The following DOCK7 variants were observed in gnomAD, a reference collection of about 807,000 sequenced individuals.
The protein encoded by DOCK7 is dedicator of cytokinesis 7.
Under a neutral mutation model 271.0 loss-of-function variants are expected in DOCK7, and 138 were observed. The ratio of observed to expected loss-of-function variants is 0.51; its 90% confidence interval spans 0.44 to 0.59. The LOEUF is 0.59. DOCK7 is among the 20% of genes least tolerant of loss of function. The pLI is 0.00. For missense variants in DOCK7, 2,066 were observed against 2,592.4 expected, an observed-to-expected ratio of 0.80 and a Z score of 4.41; for synonymous variants, 823 against 876.1, an observed-to-expected ratio of 0.94 and a Z score of 1.07.
intron 16 of DOCK7, 127 bp from the exon 17 acceptor site, chr1:62,579,093 T>G: frequency 1.1e-6 from 1 of 920,756 alleles, no homozygotes; most frequent in Non-Finnish European, 1.5e-6. Context: ...CCAAAATATT[T>G]TTCTTTATCC....
At chr1:62,687,061 T>C (rs1487794553) in intron 1 of DOCK7, among the ~76,000 whole-genome samples, 1 of 152,120 alleles carries the variant, frequency 6.6e-6, no homozygotes, top group Admixed American at 6.5e-5. Context: ...ATTACAGGCC[T>C]GAGCCACTGC....
Position 62,598,079 on chromosome 1 carries a change from A to G in DOCK7, c.1683-11455T>C, listed in dbSNP as rs751707642. 4.5e-5 allele frequency: 71 copies of G among 1,567,126 alleles called. 1 individual carries two copies. In the South Asian group the frequency reaches 8.3e-4, roughly 18 times the overall value. On this transcript the variant is annotated intron_variant, in intron 14 of 49. Transcript: ENST00000635253. ...CACTTAAAGTAAGTAGAAAATAAAG[A>G]GGGTTCATGTTTATGTTTTCAATGT...
At chr1:62,584,669 ATTAT>A in intron 15 of DOCK7, 2 of 1,359,818 alleles carry the variant, frequency 1.5e-6, no homozygotes, top group South Asian at 3.4e-5. Context: ...TTGAGCATTA[ATTAT>A]TTATCCAAAA....
chr1:62,466,816 G>T (rs1308741724), intron 48 of DOCK7, among the ~76,000 whole-genome samples: 1 of 152,032 alleles, frequency 6.6e-6, no homozygotes, highest in African/African-American at 2.4e-5. Flanking sequence ...AGCTACTCAG[G>T]AGGCTGAGGC....
chr1:62,465,230 A>C (rs1388203322), intron 48 of DOCK7, among the ~76,000 whole-genome samples: 1 of 152,196 alleles, frequency 6.6e-6, no homozygotes, highest in African/African-American at 2.4e-5. Context: ...GCTGCAGTAA[A>C]TTGCATATCA....
At chr1:62,564,148 A>G (rs1366939693) in intron 18 of DOCK7, among the ~76,000 whole-genome samples, 1 of 151,986 alleles carries the variant, frequency 6.6e-6, no homozygotes, top group Admixed American at 6.6e-5. Flanking sequence ...CACTGTCAAT[A>G]TTAGATCAAC....
chr1:62,631,442 T>C (rs1482689691), intron 10 of DOCK7, 37 bp from the exon 11 acceptor site: 52 of 1,507,082 alleles, frequency 3.5e-5, no homozygotes, highest in Non-Finnish European at 4.5e-5. Context: ...ATGATTATAC[T>C]TGAAAGAAAT....
intron 27 of DOCK7, among the ~76,000 whole-genome samples, chr1:62,538,840 CCAT>C (rs1272064471): frequency 6.6e-6 from 1 of 152,178 alleles, no homozygotes; most frequent in African/African-American, 2.4e-5. Flanking sequence ...ATCCCCACCA[CCAT>C]AAGTTTGAAC....
At chr1:62,573,104 G>A (rs1035645071) in intron 18 of DOCK7, among the ~76,000 whole-genome samples, 5 of 152,182 alleles carry the variant, frequency 3.3e-5, no homozygotes, top group Non-Finnish European at 7.3e-5. Context: ...TAGCATGGAG[G>A]AGGGAAAGGT....
intron 14 of DOCK7, among the ~76,000 whole-genome samples, chr1:62,593,910 C>T (rs896709404): frequency 1.3e-5 from 2 of 151,934 alleles, no homozygotes; most frequent in East Asian, 1.9e-4. Flanking sequence ...AGCCAAAATA[C>T]CTTGTATTTT....
intron 43 of DOCK7, chr1:62,485,470 G>A (rs945173726): frequency 2.0e-6 from 2 of 985,268 alleles, no homozygotes; most frequent in Admixed American, 1.2e-4. Context: ...TTTCCTGTAA[G>A]TTGGGGAGCA....
chr1:62,586,382 G>T, intron 15 of DOCK7, 125 bp downstream of exon 15: 2 of 637,790 alleles, frequency 3.1e-6, no homozygotes. Flanking sequence ...AGAAAGTAAT[G>T]CAGTTAGAAA....
At chr1:62,581,698 G>A (rs78883756) in intron 16 of DOCK7, among the ~76,000 whole-genome samples, 58 of 151,976 alleles carry the variant, frequency 3.8e-4, no homozygotes, top group Non-Finnish European at 6.2e-4. Flanking sequence ...AGGGCAAAAC[G>A]TTAGTGTTTT....
intron 43 of DOCK7, chr1:62,486,557 T>C (rs1022272955): frequency 2.0e-5 from 3 of 152,136 alleles, no homozygotes; most frequent in Non-Finnish European, 4.4e-5. Flanking sequence ...ATAATGGTAA[T>C]CAATTCTTCC....
chr1:62,583,178 C>T lies in DOCK7; in HGVS notation c.1871+6G>A. On this transcript the variant is annotated splice_donor_region_variant and intron_variant, in intron 16 of 49. Transcript: ENST00000635253. ...TAACTTTGAAAGAAATATTTGAATT[C>T]AGTACCTGTTATGATATACTACGGC... 6.2e-7 allele frequency: 1 copy of T among 1,604,712 alleles called. No homozygotes were observed. The highest frequency in any genetic ancestry group is 8.5e-7 in the Non-Finnish European group (1 of 1,172,548).
Position 62,505,775 on chromosome 1 carries a change from T to G in DOCK7, c.4518A>C (p.Gly1506=). ...TGCTGTGTAGTAGCACTTTTAGCAC[T>G]CCACCAAGAATGCTCTCTTTGGATT... ...VTESKESILG[G]VLKVLLHSMA... The change falls in exon 36 of 50, where the codon GGA becomes GGC. Residue 1506 remains glycine (G), a synonymous_variant. Transcript: ENST00000635253. 6.2e-7 allele frequency: 1 copy of G among 1,613,230 alleles called. No homozygotes were observed. Among genetic ancestry groups the G allele is most frequent in the South Asian group, 1.1e-5 (1 of 90,966 alleles).
chr1:62,633,081 C>A (rs1161927080), intron 10 of DOCK7, among the ~76,000 whole-genome samples: 1 of 152,038 alleles, frequency 6.6e-6, no homozygotes, highest in Non-Finnish European at 1.5e-5. Context: ...TAATAATCTG[C>A]AGTCAGATGG....
chr1:62,616,549 A>G (rs1402320844), intron 14 of DOCK7, among the ~76,000 whole-genome samples: 1 of 151,818 alleles, frequency 6.6e-6, no homozygotes, highest in African/African-American at 2.4e-5. Flanking sequence ...ACATTCCAAA[A>G]GATGAAGAAC....
At chr1:62,540,005 A>C in intron 25 of DOCK7, 113 bp from the exon 26 acceptor site, 4 of 655,254 alleles carry the variant, frequency 6.1e-6, no homozygotes, top group Non-Finnish European at 9.4e-6. Context: ...AGATGACTGA[A>C]ATATTTTTAG....
Sources: gnomAD v4.1 joint callset for allele counts (sites outside exome capture counted in the v4.1 genomes callset) on GRCh38, gnomAD v4.1.1 for gene constraint, MANE v1.5 for transcripts, NCBI Gene and HGNC (gene_info 2026-07-23, HGNC 2026-07-21) for gene names.